NECTIN2: variants seen among roughly 807,000 people sequenced by gnomAD.
NECTIN2 encodes the protein nectin-2.
In NECTIN2, 23 loss-of-function variants were observed where a neutral mutation model predicts 56.9. The ratio of observed to expected loss-of-function variants is 0.40; its 90% CI spans 0.29 to 0.57. The LOEUF is 0.57. NECTIN2 is among the 20% of genes least tolerant of loss of function. NECTIN2 has a pLI of 0.38. For synonymous variants in NECTIN2, 302 were observed against 313.8 expected, an observed-to-expected ratio of 0.96 and a Z score of 0.40; for missense variants, 587 against 718.3, an observed-to-expected ratio of 0.82 and a Z score of 2.09.
intron 5 of NECTIN2, among the ~76,000 whole-genome samples, chr19:44,876,818 C>A (rs2122696748): frequency 6.6e-6 from 1 of 152,314 alleles, no homozygotes; most frequent in South Asian, 2.1e-4. Flanking sequence ...GGCCTCAAAG[C>A]ATTCCTCCAG....
At chr19:44,850,209 A>G (rs542573121) in intron 1 of NECTIN2, among the ~76,000 whole-genome samples, 1 of 152,186 alleles carries the variant, frequency 6.6e-6, no homozygotes, top group African/African-American at 2.4e-5. Flanking sequence ...AAGAGAAAAG[A>G]GTAACAGAGA....
rs41290110 is a variant in NECTIN2, at chr19:44,875,513, G to T, written c.1042+1035G>T. ...ACTGCTGACCTCAGGTGATCCACCC[G>T]CCTCGGCCTCACGAAGTGCTGGGAT... On this transcript the variant is annotated intron_variant, in intron 5 of 8. Coordinates refer to ENST00000252483, the MANE Select transcript of NECTIN2 (RefSeq NM_001042724.2). The surrounding 1 kb of genome is among the most constrained non-coding windows in gnomAD (Gnocchi z 4.2). Among the ~76,000 whole-genome samples, 2 of 152,140 alleles carry T rather than the reference G, an allele frequency of 1.3e-5. No homozygotes were observed. Among genetic ancestry groups the T allele is most frequent in the African/African-American group, 4.8e-5 (2 of 41,432 alleles).
intron 2 of NECTIN2, among the ~76,000 whole-genome samples, chr19:44,868,062 G>A (rs188202194): frequency 6.6e-6 from 1 of 152,098 alleles, no homozygotes; most frequent in East Asian, 1.9e-4. Flanking sequence ...GGGGAAGCAG[G>A]ATCAGAGAGG....
rs773452845 is a variant in NECTIN2 at position 44,874,805 on chromosome 19, C to G, written c.1042+327C>G. The G allele has an allele frequency of 1.6e-5, 4 of 256,636 alleles. No individual in the cohort carries two copies. Among genetic ancestry groups the G allele is most frequent in the African/African-American group, 4.3e-5 (2 of 46,122 alleles). The allele number at this position is 256,636 out of a possible 1,614,324, so 15.9% of individuals were successfully genotyped here. A position where few individuals can be genotyped will look rare whatever the true frequency, so the allele number is the denominator to read the frequency against. On this transcript the variant is annotated intron_variant, in intron 5 of 8. Coordinates refer to ENST00000252483, the MANE Select transcript of NECTIN2 (RefSeq NM_001042724.2). This position sits in a 1 kb window ranked among gnomAD's most constrained non-coding sequence, Gnocchi z 6.3. ...GGCTCCAGCTCCTGAGAAAGACGCACACCTAGAGTCAGGCATGCAAACTTC... is the reference window on the plus strand; with the variant it reads ...GGCTCCAGCTCCTGAGAAAGACGCAGACCTAGAGTCAGGCATGCAAACTTC...
chr19:44,850,138 A>G (rs796339140), intron 1 of NECTIN2, among the ~76,000 whole-genome samples: 9 of 152,266 alleles, frequency 5.9e-5, no homozygotes, highest in African/African-American at 2.2e-4. Flanking sequence ...TCAAGGCTGC[A>G]GTGAGCCCTG....
intron 5 of NECTIN2, among the ~76,000 whole-genome samples, chr19:44,876,259 G>C (rs412776): frequency 6.6e-6 from 1 of 151,762 alleles, no homozygotes; most frequent in African/African-American, 2.4e-5. Context: ...AGCTCCACCC[G>C]CCCAGACAGA....
intron 1 of NECTIN2, among the ~76,000 whole-genome samples, chr19:44,853,599 C>G (rs1415562617): frequency 1.3e-5 from 2 of 151,926 alleles, no homozygotes; most frequent in African/African-American, 4.8e-5. Flanking sequence ...AGTGATTCTC[C>G]TGCCTCAGCC....
chr19:44,846,656 C>G, intron 1 of NECTIN2, 43 bp downstream of exon 1: 1 of 1,509,686 alleles, frequency 6.6e-7, no homozygotes, highest in Non-Finnish European at 8.8e-7. Flanking sequence ...CGGACCCCCT[C>G]CAACCTTACC....
At chr19:44,877,883 A>C (rs1969257824) in intron 5 of NECTIN2, among the ~76,000 whole-genome samples, 1 of 152,192 alleles carries the variant, frequency 6.6e-6, no homozygotes, top group African/African-American at 2.4e-5. Flanking sequence ...CCCTAAGAGA[A>C]ACCTGGATTT....
chr19:44,878,584 C>T (rs769338728), intron 5 of NECTIN2: 19 of 1,610,764 alleles, frequency 1.2e-5, no homozygotes, highest in East Asian at 2.2e-5. Context: ...CCCAGCTGGA[C>T]GGCTCCCTCA....
intron 6 of NECTIN2, 22 bp from the exon 7 acceptor site, chr19:44,885,915 T>TGTC (rs1237590325): frequency 6.5e-7 from 1 of 1,543,992 alleles, no homozygotes; most frequent in East Asian, 2.2e-5. Context: ...AATCTCCACT[T>TGTC]GTCCTACCTC....
At chr19:44,858,334 T>TA (rs947688784) in intron 1 of NECTIN2, among the ~76,000 whole-genome samples, 222 of 152,072 alleles carry the variant, frequency 1.5e-3, no homozygotes, top group African/African-American at 4.6e-3. Flanking sequence ...GCTTTTTTTT[T>TA]TATATTTATT....
intron 1 of NECTIN2, among the ~76,000 whole-genome samples, chr19:44,863,716 G>A (rs923348933): frequency 6.6e-6 from 1 of 151,752 alleles, no homozygotes; most frequent in Non-Finnish European, 1.5e-5. Flanking sequence ...ATGGTGGCGG[G>A]CGCCTGTAAT....
intron 2 of NECTIN2, among the ~76,000 whole-genome samples, chr19:44,871,322 T>C (rs1248963498): frequency 6.6e-6 from 1 of 151,818 alleles, no homozygotes; most frequent in Non-Finnish European, 1.5e-5. Context: ...TGCTCAGGAG[T>C]TTGAGATCAG....
In NECTIN2 at chr19:44,865,197, C is replaced by T. The variant is rs192369505; in HGVS notation, c.89-74C>T. On this transcript the variant is annotated intron_variant, in intron 1 of 8. Coordinates refer to ENST00000252483, the MANE Select transcript of NECTIN2 (RefSeq NM_001042724.2). The surrounding 1 kb of genome is among the most constrained non-coding windows in gnomAD (Gnocchi z 5.2). ...CCTGCATTTCCCGTGGGGCCCCCTT[C>T]GTGGTGGCCCTGCCTGGAGGTGTCT... The T allele has an allele frequency of 3.3e-5, 48 of 1,453,104 alleles. No individual in the cohort carries two copies. The highest frequency in any genetic ancestry group is 4.2e-5 in the Non-Finnish European group (45 of 1,077,794). The allele number at this position is 1,453,104 out of a possible 1,614,324, so 90.0% of individuals were successfully genotyped here.
chr19:44,882,267 G>A lies in NECTIN2; in HGVS notation c.1099G>A (p.Ala367Thr), dbSNP rs1188434646. 12 of 1,557,842 alleles carry A rather than the reference G, an allele frequency of 7.7e-6. No homozygotes were observed. Among genetic ancestry groups the A allele is most frequent in the South Asian group, 2.4e-5 (2 of 84,602 alleles). Residue 367 changes from alanine (A) to threonine (T), a missense_variant, in exon 6 of 9, where the codon GCC becomes ACC. Physicochemically the swap from Ala to Thr is moderately conservative, Grantham distance 58 (BLOSUM62 0). Coordinates refer to ENST00000252483, the MANE Select transcript of NECTIN2 (RefSeq NM_001042724.2). ...ATGGIIGGII[A>T]AIIATAVAAT... ...AGGCGGCATCATCGGGGGCATCATC[G>A]CCGCCATCATTGCTACTGCTGTGGC...
At chr19:44,882,029 T>C (rs1599927107) in intron 5 of NECTIN2, 182 bp from the exon 6 acceptor site, 1 of 443,672 alleles carries the variant, frequency 2.3e-6, no homozygotes, top group Non-Finnish European at 3.8e-6. Flanking sequence ...TCATCTCCCA[T>C]GCGGGGCACA....
intron 2 of NECTIN2, among the ~76,000 whole-genome samples, chr19:44,867,872 G>T (rs1404443135): frequency 2.0e-5 from 3 of 152,130 alleles, no homozygotes; most frequent in Admixed American, 1.3e-4. Context: ...TGCAAAAAAT[G>T]ACCGGCAGCA....
Position 44,874,278 on chromosome 19 carries a change from T to C in NECTIN2, c.894-52T>C. On this transcript the variant is annotated intron_variant, in intron 4 of 8. Transcript: ENST00000252483. The surrounding 1 kb of genome is among the most constrained non-coding windows in gnomAD (Gnocchi z 6.3). ...GGTGTATCTTTAGGGATGAGGCCTG[T>C]GCTCCCCTCTCGACCTTGGTATCCC... 6.3e-7 allele frequency: 1 copy of C among 1,581,454 alleles called. No individual in the cohort carries two copies. Among genetic ancestry groups the C allele is most frequent in the Non-Finnish European group, 8.7e-7 (1 of 1,150,982 alleles).
Sources: gnomAD v4.1 joint callset for allele counts (sites outside exome capture counted in the v4.1 genomes callset) on GRCh38, gnomAD v4.1.1 for gene constraint, Gnocchi (gnomAD v3.1) non-coding constraint, MANE v1.5 for transcripts, NCBI Gene and HGNC (gene_info 2026-07-23, HGNC 2026-07-21) for gene names.